The following ARNT2 variants were observed in gnomAD, a reference collection of about 807,000 sequenced individuals.
The protein encoded by ARNT2 is aryl hydrocarbon receptor nuclear translocator 2, also known as ARNT protein 2.
In ARNT2, 36 loss-of-function variants were observed where a neutral mutation model predicts 91.7. The observed-to-expected ratio is 0.39, with a 90% CI of 0.30 to 0.52. The LOEUF is 0.52. Ranked by LOEUF, ARNT2 falls within the 20% of genes least tolerant of loss-of-function variation. The pLI is 0.72. For synonymous variants in ARNT2, 365 were observed against 347.1 expected (o/e 1.05, Z -0.57); for missense variants, 775 against 939.3 (o/e 0.83, Z 2.29).
At chr15:80,573,958 T>C (rs1898624791) in intron 12 of ARNT2, 190 bp from the exon 13 acceptor site, 1 of 574,214 alleles carries the variant, frequency 1.7e-6, no homozygotes, top group East Asian at 2.9e-5. Context: ...TTTGGTAGCC[T>C]AAACATGAAA....
At chr15:80,502,349 A>G (rs1420607152) in intron 5 of ARNT2, among the ~76,000 whole-genome samples, 3 of 152,172 alleles carry the variant, frequency 2.0e-5, no homozygotes, top group Admixed American at 1.3e-4. Flanking sequence ...ACACGTCCTG[A>G]GAGGGAGATG....
chr15:80,522,593 G>A (rs938465607), intron 8 of ARNT2, among the ~76,000 whole-genome samples: 2 of 152,022 alleles, frequency 1.3e-5, no homozygotes, highest in Non-Finnish European at 2.9e-5. Flanking sequence ...GCATGTTATT[G>A]TACTGAATAT....
chr15:80,414,305 A>G (rs1895745787), intron 1 of ARNT2, among the ~76,000 whole-genome samples: 1 of 152,230 alleles, frequency 6.6e-6, no homozygotes, highest in Non-Finnish European at 1.5e-5. Flanking sequence ...TACTGTGCAC[A>G]GGGCAGCCCC....
intron 7 of ARNT2, 21 bp from the exon 8 acceptor site, chr15:80,514,299 T>G (rs1172294197): frequency 6.2e-7 from 1 of 1,613,176 alleles, no homozygotes; most frequent in African/African-American, 1.3e-5. Flanking sequence ...TGAAAACAAT[T>G]TCACAAATGT....
rs1333196680 is a variant in ARNT2, at chr15:80,563,252, C to T, written c.1316+13C>T. On this transcript the variant is annotated intron_variant, in intron 12 of 18. Transcript: ENST00000303329. ...ACACCAACGTCAAGTACGTACACTGCCATTTCCCTCTCCTGGAATCCACAT... is the reference window on the plus strand; with the variant it reads ...ACACCAACGTCAAGTACGTACACTGTCATTTCCCTCTCCTGGAATCCACAT... 6.2e-7 allele frequency: 1 copy of T among 1,613,726 alleles called. No individual in the cohort carries two copies. The highest frequency in any genetic ancestry group is 2.2e-5 in the East Asian group (1 of 44,882).
At chr15:80,593,561 G>A in intron 18 of ARNT2, 39 bp from the exon 19 acceptor site, 1 of 1,505,956 alleles carries the variant, frequency 6.6e-7, no homozygotes, top group Non-Finnish European at 9.0e-7. Flanking sequence ...GGACAGAGGA[G>A]CTGACTCCCC....
chr15:80,554,969 T>C, intron 10 of ARNT2, 96 bp from the exon 11 acceptor site: 1 of 1,353,926 alleles, frequency 7.4e-7, no homozygotes, highest in South Asian at 1.2e-5. Context: ...AGGAGATGAG[T>C]TAAAGGAGAT....
intron 17 of ARNT2, among the ~76,000 whole-genome samples, chr15:80,588,953 C>T (rs564885779): frequency 2.0e-5 from 3 of 152,288 alleles, no homozygotes; most frequent in South Asian, 4.2e-4. Flanking sequence ...ACAGTACCAG[C>T]ATGGAGCCCA....
At chr15:80,433,145 A>G (rs1248595005) in intron 1 of ARNT2, among the ~76,000 whole-genome samples, 1 of 151,970 alleles carries the variant, frequency 6.6e-6, no homozygotes, top group African/African-American at 2.4e-5. Context: ...GATCTGTGGA[A>G]GGATATGTGA....
intron 12 of ARNT2, among the ~76,000 whole-genome samples, chr15:80,573,406 G>C (rs1015770810): frequency 6.6e-6 from 1 of 152,152 alleles, no homozygotes; most frequent in Non-Finnish European, 1.5e-5. Flanking sequence ...AGTAATGTCT[G>C]TTAGTAATTT....
At chr15:80,451,357 C>A (rs1000775809) in intron 2 of ARNT2, among the ~76,000 whole-genome samples, 1 of 152,242 alleles carries the variant, frequency 6.6e-6, no homozygotes, top group African/African-American at 2.4e-5. Flanking sequence ...TGCAAAGATT[C>A]CACCCTGGTG....
intron 8 of ARNT2, among the ~76,000 whole-genome samples, chr15:80,539,100 G>C (rs549759910): frequency 1.3e-5 from 2 of 152,004 alleles, no homozygotes; most frequent in Non-Finnish European, 2.9e-5. Flanking sequence ...ACCCCAAATG[G>C]TTCCAGGCCT....
intron 1 of ARNT2, chr15:80,444,494 G>A (rs1213979061): frequency 6.5e-6 from 1 of 152,948 alleles, no homozygotes; most frequent in Non-Finnish European, 1.5e-5. Context: ...TTCTGTGAGT[G>A]GTGCATGTGT....
rs1317720957 is a variant in ARNT2 at position 80,492,001 on chromosome 15, C to G, written c.623-16155C>G. On this transcript the variant is annotated intron_variant, in intron 5 of 18. Transcript: ENST00000303329. ...ACAGGTGTACGTCTATTTCTGGACT[C>G]TGTGCTATTCTGTTTATGCAGAGTG... Among the ~76,000 whole-genome samples, 3 of 152,038 alleles carry G rather than the reference C, an allele frequency of 2.0e-5. No homozygotes were observed. The East Asian group carries it at 5.8e-4, about 29-fold the overall frequency.
chr15:80,560,164 G>A (rs1898305518), intron 11 of ARNT2: 1 of 152,210 alleles, frequency 6.6e-6, no homozygotes, highest in Non-Finnish European at 1.5e-5. Flanking sequence ...TTCATCTTGT[G>A]TTTCTGTAGT....
chr15:80,568,814 G>A (rs1898531755), intron 12 of ARNT2, among the ~76,000 whole-genome samples: 1 of 152,214 alleles, frequency 6.6e-6, no homozygotes, highest in South Asian at 2.1e-4. Flanking sequence ...CCTTGCCTCA[G>A]TTGAGGCCTT....
At chr15:80,488,708 A>G (rs1274908879) in intron 5 of ARNT2, 1 of 152,146 alleles carries the variant, frequency 6.6e-6, no homozygotes, top group Non-Finnish European at 1.5e-5. Flanking sequence ...AACCCCACGC[A>G]TAAATAAAAT....
chr15:80,567,483 A>C (rs1898506615), intron 12 of ARNT2, among the ~76,000 whole-genome samples: 1 of 152,172 alleles, frequency 6.6e-6, no homozygotes, highest in Non-Finnish European at 1.5e-5. Context: ...CGGGAGGGAC[A>C]GGTAGAATGC....
At chr15:80,490,197 T>C (rs997959281) in intron 5 of ARNT2, among the ~76,000 whole-genome samples, 6 of 152,146 alleles carry the variant, frequency 3.9e-5, no homozygotes, top group Middle Eastern at 3.2e-3. Flanking sequence ...AGCTTCAACC[T>C]GATCTGCAGG....
Sources: gnomAD v4.1 joint callset for allele counts (sites outside exome capture counted in the v4.1 genomes callset) on GRCh38, gnomAD v4.1.1 for gene constraint, MANE v1.5 for transcripts, NCBI Gene and HGNC (gene_info 2026-07-23, HGNC 2026-07-21) for gene names.